NPFFR2: variants seen among roughly 807,000 people sequenced by gnomAD.
NPFFR2 encodes G-protein coupled receptor 74.
In NPFFR2, 15 loss-of-function variants were observed where a neutral mutation model predicts 13.1. The observed-to-expected ratio is 1.15, with a 90% confidence interval of 0.77 to 1.76. The LOEUF (loss-of-function observed/expected upper bound fraction) is 1.76, where lower values mean the gene tolerates loss of function less well. Among genes scored for constraint, NPFFR2 ranks in the 40% most tolerant of loss-of-function variants. The pLI is 0.00. For synonymous variants in NPFFR2, 190 were observed against 175.7 expected, an observed-to-expected ratio of 1.08 and a Z score of -0.65; for missense variants, 572 against 503.5, an observed-to-expected ratio of 1.14 and a Z score of -1.30.
chr4:72,119,381 T>C (rs896073731), intron 1 of NPFFR2, among the ~76,000 whole-genome samples: 2 of 152,200 alleles, frequency 1.3e-5, no homozygotes, highest in Non-Finnish European at 2.9e-5. Flanking sequence ...ATATATACAC[T>C]GTAATTATTT....
chr4:72,115,519 T>G (rs1721688615), intron 1 of NPFFR2, among the ~76,000 whole-genome samples: 1 of 152,176 alleles, frequency 6.6e-6, no homozygotes, highest in Non-Finnish European at 1.5e-5. Flanking sequence ...GTCCTTGGTC[T>G]TATAGGCAGA....
intron 1 of NPFFR2, among the ~76,000 whole-genome samples, chr4:72,072,294 G>A (rs1720279804): frequency 6.6e-6 from 1 of 151,938 alleles, no homozygotes; most frequent in African/African-American, 2.4e-5. Context: ...CAAAGATGCT[G>A]ACAGAACCAA....
At chr4:72,079,427 ACC>A (rs1720538503) in intron 1 of NPFFR2, among the ~76,000 whole-genome samples, 1 of 152,176 alleles carries the variant, frequency 6.6e-6, no homozygotes, top group Non-Finnish European at 1.5e-5. Context: ...AAAACATATG[ACC>A]AGTTAGTCAA....
chr4:72,103,689 TAAA>T (rs368030994), intron 1 of NPFFR2, among the ~76,000 whole-genome samples: 38 of 151,978 alleles, frequency 2.5e-4, no homozygotes, highest in African/African-American at 8.9e-4. Context: ...TTTATGGAAA[TAAA>T]AAAGACACTA....
chr4:72,053,393 GA>G (rs1719646874), intron 1 of NPFFR2, among the ~76,000 whole-genome samples: 1 of 151,730 alleles, frequency 6.6e-6, no homozygotes, highest in African/African-American at 2.4e-5. Context: ...CCCAGAAAGA[GA>G]AAGTTTACCC....
chr4:72,063,779 T>A (rs926001341), intron 1 of NPFFR2, among the ~76,000 whole-genome samples: 1 of 152,212 alleles, frequency 6.6e-6, no homozygotes, highest in African/African-American at 2.4e-5. Context: ...GAAAAGTTAA[T>A]CTTTTACCTA....
chr4:72,119,183 AT>A lies in NPFFR2; in HGVS notation c.-7-9395del, dbSNP rs1473686561. The stretch of plus-strand genomic sequence containing the variant: ...AACAAATATATTGGGTTGGATTCAA[AT>A]TTTTTTGTACCAAAATTTCCAATAG... On this transcript the variant is annotated intron_variant, in intron 1 of 3. Coordinates refer to ENST00000308744, the MANE Select transcript of NPFFR2 (RefSeq NM_004885.3). Among the ~76,000 whole-genome samples, 11 of 152,288 alleles carry A rather than the reference AT, an allele frequency of 7.2e-5. No individual in the cohort carries two copies. The East Asian group carries it at 1.9e-3, about 27-fold the overall frequency.
chr4:72,080,795 A>G (rs1720595482), intron 1 of NPFFR2, among the ~76,000 whole-genome samples: 2 of 146,946 alleles, frequency 1.4e-5, no homozygotes, highest in African/African-American at 5.5e-5. Context: ...TTACTCTCAG[A>G]AAGATCTAAG....
At chr4:72,063,839 C>G (rs1560399349) in intron 1 of NPFFR2, among the ~76,000 whole-genome samples, 1 of 152,108 alleles carries the variant, frequency 6.6e-6, no homozygotes, top group Non-Finnish European at 1.5e-5. Flanking sequence ...TGGCCAAAGA[C>G]AATGATTTTA....
chr4:72,046,735 A>G (rs1719393092), intron 1 of NPFFR2, among the ~76,000 whole-genome samples: 1 of 152,214 alleles, frequency 6.6e-6, no homozygotes, highest in African/African-American at 2.4e-5. Flanking sequence ...TGAATGTAGC[A>G]TTAAAGGCAA....
At chr4:72,130,125 G>C (rs534376708) in intron 2 of NPFFR2, among the ~76,000 whole-genome samples, 1 of 151,708 alleles carries the variant, frequency 6.6e-6, no homozygotes, top group Admixed American at 6.6e-5. Context: ...ACAAAATGGA[G>C]TCTCCTATGT....
chr4:72,146,957 T>C, intron 3 of NPFFR2, 21 bp from the exon 4 acceptor site: 1 of 1,540,728 alleles, frequency 6.5e-7, no homozygotes, highest in Non-Finnish European at 8.9e-7. Context: ...GTGCCTCATT[T>C]ATATTTGTGT....
chr4:72,130,302 A>T (rs113546236), intron 2 of NPFFR2, among the ~76,000 whole-genome samples: 6,670 of 152,250 alleles, frequency 0.044, 405 homozygotes, highest in African/African-American at 0.14. Context: ...CACATCTGAT[A>T]TGATTATGTC....
intron 1 of NPFFR2, among the ~76,000 whole-genome samples, chr4:72,076,179 GTT>G (rs33946488): frequency 5.3e-5 from 8 of 151,334 alleles, no homozygotes; most frequent in African/African-American, 1.7e-4. Flanking sequence ...ATGTTATGGA[GTT>G]TTTTTTTCCA....
At chr4:72,033,504 C>T (rs1341410539) in intron 1 of NPFFR2, among the ~76,000 whole-genome samples, 1 of 152,052 alleles carries the variant, frequency 6.6e-6, no homozygotes, top group Non-Finnish European at 1.5e-5. Flanking sequence ...ATATCATTAT[C>T]CTATTCTTTT....
chr4:72,047,980 C>T (rs1189278875), intron 1 of NPFFR2, among the ~76,000 whole-genome samples: 3 of 151,958 alleles, frequency 2.0e-5, no homozygotes, highest in East Asian at 3.9e-4. Flanking sequence ...TGACAGATTT[C>T]CCCCACTCAA....
intron 1 of NPFFR2, among the ~76,000 whole-genome samples, chr4:72,086,401 G>A: frequency 6.6e-6 from 1 of 152,036 alleles, no homozygotes; most frequent in East Asian, 1.9e-4. Flanking sequence ...CTGTCTCACT[G>A]TAAGCAGGCT....
chr4:72,141,320 C>G (rs548939702), intron 3 of NPFFR2, among the ~76,000 whole-genome samples: 4 of 152,200 alleles, frequency 2.6e-5, no homozygotes, highest in East Asian at 1.9e-4. Context: ...TTTGTTTGCT[C>G]TTGCTCCTCT....
At chr4:72,108,469 C>G (rs1450074153) in intron 1 of NPFFR2, among the ~76,000 whole-genome samples, 2 of 151,892 alleles carry the variant, frequency 1.3e-5, no homozygotes. Flanking sequence ...AATTCACTGT[C>G]TGAACTCAGT....
Sources: gnomAD v4.1 joint callset for allele counts (sites outside exome capture counted in the v4.1 genomes callset) on GRCh38, gnomAD v4.1.1 for gene constraint, MANE v1.5 for transcripts, NCBI Gene and HGNC (gene_info 2026-07-23, HGNC 2026-07-21) for gene names.